The following NUP88 variants were observed in gnomAD, a reference collection of about 807,000 sequenced individuals.
NUP88 encodes the protein nuclear pore complex protein Nup88.
A neutral mutation model predicts 93.9 loss-of-function variants in NUP88; 57 were observed. That is an observed-to-expected ratio of 0.61 (90% CI 0.49 to 0.76). The LOEUF (loss-of-function observed/expected upper bound fraction) is 0.76, where lower values mean the gene tolerates loss of function less well. Ranked by LOEUF, NUP88 falls within the 30% of genes least tolerant of loss-of-function variation. The pLI, the probability that NUP88 is intolerant of heterozygous loss-of-function variation, is 0.00. For missense variants in NUP88, 911 were observed against 901.0 expected (o/e 1.01, Z -0.14); for synonymous variants, 346 against 336.8 (o/e 1.03, Z -0.30).
chr17:5,394,866 T>C lies in NUP88; in HGVS notation c.1382+25A>G, dbSNP rs199978623. Reference sequence around the variant, plus strand: ...GCTGAAATGAACAATTGTTTTCTGATATACAAGGGAGGGAGAGTCCTTACC... The same window carrying C: ...GCTGAAATGAACAATTGTTTTCTGACATACAAGGGAGGGAGAGTCCTTACC... On this transcript the variant is annotated intron_variant, in intron 9 of 16. Transcript: ENST00000573584. 20 of 1,466,024 alleles carry C rather than the reference T, an allele frequency of 1.4e-5. 1 individual carries two copies. The East Asian group carries it at 3.6e-4, about 27-fold the overall frequency. 90.8% of individuals were successfully genotyped at this position (1,466,024 alleles called of 1,614,324 possible).
intron 3 of NUP88, among the ~76,000 whole-genome samples, 159 bp from the exon 4 acceptor site, chr17:5,410,948 T>C (rs1324881558): frequency 6.6e-6 from 1 of 152,234 alleles, no homozygotes; most frequent in East Asian, 1.9e-4. Flanking sequence ...GTCTAGTTCA[T>C]TTATTCTTTA....
chr17:5,416,398 C>T (rs983798736), intron 2 of NUP88, 115 bp downstream of exon 2: 26 of 654,566 alleles, frequency 4.0e-5, no homozygotes, highest in Admixed American at 2.1e-4. Flanking sequence ...CTGCAGACCA[C>T]GAGGAGTGTT....
In NUP88 at chr17:5,405,221, A is replaced by G. The variant is rs149639566; in HGVS notation, c.880T>C (p.Leu294=). Residue 294 remains leucine, a synonymous_variant, in exon 6 of 17, where the codon TTG becomes CTG. Transcript: ENST00000573584. ...LHSPGNIGKL[L]GPLPMHPAAE... ...GCAGGATGCATGGGCAATGGACCCA[A>G]CAGCTTTCCAATATTTCCAGGGCTA... The G allele has an allele frequency of 7.4e-6, 12 of 1,613,616 alleles. No homozygotes were observed. The East Asian group carries it at 2.7e-4, about 36-fold the overall frequency.
At chr17:5,409,579 G>A (rs895027771) in intron 4 of NUP88, among the ~76,000 whole-genome samples, 1 of 152,092 alleles carries the variant, frequency 6.6e-6, no homozygotes. Context: ...AGCAGGATCC[G>A]TAAGTTCTAC....
At chr17:5,415,029 T>C (rs988566861) in intron 2 of NUP88, among the ~76,000 whole-genome samples, 7 of 151,478 alleles carry the variant, frequency 4.6e-5, no homozygotes, top group Admixed American at 2.0e-4. Flanking sequence ...TTTATTTGTT[T>C]ATTTATTTGA....
Position 5,388,792 on chromosome 17 carries a change from G to A in NUP88, c.1643+10C>T, listed in dbSNP as rs1191402199. On this transcript the variant is annotated intron_variant, in intron 11 of 16. Transcript: ENST00000573584. ...CCATTCATAAAACCGCTATGCCCAA[G>A]GTTGCATACTTCAAAAATGCTGGAT... 2 of 1,611,920 alleles carry A rather than the reference G, an allele frequency of 1.2e-6. No homozygotes were observed. The highest frequency in any genetic ancestry group is 3.4e-5 in the Admixed American group (2 of 59,642).
intron 11 of NUP88, 194 bp downstream of exon 11, chr17:5,388,608 C>T: frequency 1.9e-6 from 1 of 521,880 alleles, no homozygotes; most frequent in East Asian, 3.4e-5. Flanking sequence ...TCTTTTTAAA[C>T]ACTTCCTGTT....
chr17:5,386,776 A>ACTCAACACCTTCTCCATCTTTT lies in NUP88; in HGVS notation c.2072_2093dup (p.Ser698ArgfsTer33), dbSNP rs1912017865. 1 of 1,613,942 alleles carries ACTCAACACCTTCTCCATCTTTT rather than the reference A, an allele frequency of 6.2e-7. No homozygotes were observed. Among genetic ancestry groups the ACTCAACACCTTCTCCATCTTTT allele is most frequent in the East Asian group, 2.2e-5 (1 of 44,892 alleles). On this transcript the variant is annotated frameshift_variant, in exon 16 of 17. Transcript: ENST00000573584. LOFTEE classifies it high-confidence loss of function. The stretch of plus-strand genomic sequence containing the variant: ...TGAGAATAATGGTGGGTTTTGGAAG[A>ACTCAACACCTTCTCCATCTTTT]CTCAACACCTTCTCCATCTTTTGCT...
intron 7 of NUP88, among the ~76,000 whole-genome samples, chr17:5,400,234 C>T (rs959487581): frequency 3.3e-5 from 5 of 150,428 alleles, no homozygotes; most frequent in African/African-American, 1.2e-4. Flanking sequence ...TGTGGTGGCT[C>T]ACGTCTGTAA....
At position 5,399,623 on chromosome 17, in the gene NUP88, C is replaced by G. The variant is rs1196512455; in HGVS notation, c.1220G>C (p.Cys407Ser). ...RDPKCPSRYH[C>S]THEAGVHSVG... ...ACTATGTACACCAGCTTCATGAGTA[C>G]AGTGATATCTTGAAGGACACTTGGG... Residue 407 changes from cysteine (C) to serine (S), a missense_variant, in exon 8 of 17, where the codon TGT becomes TCT. Coordinates refer to ENST00000573584, the MANE Select transcript of NUP88 (RefSeq NM_002532.6). 6.2e-7 allele frequency: 1 copy of G among 1,605,418 alleles called. No individual in the cohort carries two copies. Among genetic ancestry groups the G allele is most frequent in the Non-Finnish European group, 8.5e-7 (1 of 1,173,744 alleles).
intron 7 of NUP88, among the ~76,000 whole-genome samples, chr17:5,400,429 G>A (rs1023776731): frequency 6.6e-6 from 1 of 150,970 alleles, no homozygotes; most frequent in Non-Finnish European, 1.5e-5. Context: ...CCGGGAGGTG[G>A]AGGTTGCAGT....
At chr17:5,387,968 C>T (rs1912144856) in intron 11 of NUP88, 64 bp from the exon 12 acceptor site, 14 of 1,392,628 alleles carry the variant, frequency 1.0e-5, no homozygotes, top group Admixed American at 4.4e-5. Context: ...AATAAATAGA[C>T]TCAAGTCACA....
Position 5,416,521 on chromosome 17 carries a change from C to T in NUP88, c.459G>A (p.Val153=). 1.2e-6 allele frequency: 2 copies of T among 1,605,582 alleles called. No individual in the cohort carries two copies. ...AATAGTATACAACTTACCTACAATT[C>T]ACTGTTGATTTTCCACCTTCAAATT... The part of the protein sequence containing the change: ...NSEFEGGKST[V]NCSTTPVAER... The change falls in exon 2 of 17, where the codon GTG becomes GTA. Residue 153 remains valine (V), a synonymous_variant. Coordinates refer to ENST00000573584, the MANE Select transcript of NUP88 (RefSeq NM_002532.6).
rs753525864 is a variant in NUP88 at position 5,419,526 on chromosome 17, G to T, written c.125C>A (p.Pro42Gln). 1 of 1,613,900 alleles carries T rather than the reference G, an allele frequency of 6.2e-7. No individual in the cohort carries two copies. Among genetic ancestry groups the T allele is most frequent in the East Asian group, 2.2e-5 (1 of 44,864 alleles). Reference sequence around the variant, plus strand: ...CGACGAAGGCAACGACGAAGAAGCTGGTTTCTCAGCTTCGGTTGGACTCTG... The same window carrying T: ...CGACGAAGGCAACGACGAAGAAGCTTGTTTCTCAGCTTCGGTTGGACTCTG... ...KNQSPTEAEK[P>Q]ASSSLPSSPP... The change falls in exon 1 of 17, where the codon CCA (proline) becomes CAA (glutamine). Residue 42 changes from proline (P) to glutamine (Q), a missense_variant. Pro to Gln is a moderately conservative substitution (Grantham distance 76). Coordinates refer to ENST00000573584, the MANE Select transcript of NUP88 (RefSeq NM_002532.6).
chr17:5,419,625 C>T lies in NUP88; in HGVS notation c.26G>A (p.Gly9Asp). Residue 9 changes from glycine (G) to aspartate (D), a missense_variant, in exon 1 of 17, where the codon GGC becomes GAC. Coordinates refer to ENST00000573584, the MANE Select transcript of NUP88 (RefSeq NM_002532.6). The stretch of plus-strand genomic sequence containing the variant: ...CCAGGTCTGCCACAGCTCGCCGTCG[C>T]CCACCGGTCCCTCGGCGGCCGCCAT... MAAAEGPV[G>D]DGELWQTWLP... 1.3e-6 allele frequency: 2 copies of T among 1,594,504 alleles called. No individual in the cohort carries two copies. Among genetic ancestry groups the T allele is most frequent in the Non-Finnish European group, 1.7e-6 (2 of 1,169,130 alleles).
chr17:5,409,677 AG>A (rs1913714321), intron 4 of NUP88, among the ~76,000 whole-genome samples: 1 of 152,198 alleles, frequency 6.6e-6, no homozygotes, highest in South Asian at 2.1e-4. Context: ...CCTGCCCTCT[AG>A]AGAGAGAAAT....
chr17:5,402,221 C>T (rs1055382625), intron 7 of NUP88, among the ~76,000 whole-genome samples: 13 of 152,108 alleles, frequency 8.5e-5, no homozygotes, highest in African/African-American at 2.7e-4. Context: ...GCAGGAGAAT[C>T]GCTTGAACCC....
chr17:5,386,816 T>C lies in NUP88; in HGVS notation c.2054A>G (p.Lys685Arg). ...LGNAIKQVTM[K>R]KDYQQQKMEK... ...CATCTTTTGCTGTTGATAATCCTTT[T>C]TCATAGTAACCTTAAGTATTAAAAT... The change falls in exon 16 of 17, where the codon AAA becomes AGA. Residue 685 changes from lysine (K) to arginine (R), a missense_variant. Transcript: ENST00000573584. The C allele has an allele frequency of 6.2e-7, 1 of 1,611,746 alleles. No individual in the cohort carries two copies. The highest frequency in any genetic ancestry group is 8.5e-7 in the Non-Finnish European group (1 of 1,177,810).
rs376938991 is a variant in NUP88 at position 5,389,001 on chromosome 17, A to T, written c.1485-41T>A. ...GTAAATTGAATTCTACCATGGAGTG[A>T]TTTACTGTATTACAGGAAAGCAGAA... is the stretch of plus-strand genomic sequence containing the variant. On this transcript the variant is annotated intron_variant, in intron 10 of 16. Transcript: ENST00000573584. 36 of 1,461,064 alleles carry T rather than the reference A, an allele frequency of 2.5e-5. No individual in the cohort carries two copies. In the African/African-American group the frequency reaches 4.5e-4, roughly 18 times the overall value. 90.5% of individuals were successfully genotyped at this position (1,461,064 alleles called of 1,614,324 possible).
Sources: allele counts gnomAD v4.1 joint callset (sites outside exome capture counted in the v4.1 genomes callset), GRCh38; gene constraint gnomAD v4.1.1; transcripts MANE v1.5; gene names NCBI Gene and HGNC (gene_info 2026-07-23, HGNC 2026-07-21).